TOP2B: variants seen among roughly 807,000 people sequenced by gnomAD.
The protein encoded by TOP2B is DNA topoisomerase II beta.
TOP2B carries 51 observed loss-of-function variants against 193.5 expected under a neutral mutation model. That is an observed-to-expected ratio of 0.26 (90% CI 0.21 to 0.33). TOP2B has a LOEUF of 0.33. Ranked by LOEUF, TOP2B falls within the 10% of genes least tolerant of loss-of-function variation. The pLI is 1.00. For synonymous variants in TOP2B, 634 were observed against 635.7 expected (o/e 1.00, Z 0.04); for missense variants, 1,378 against 1,909.3 (o/e 0.72, Z 5.19).
At position 25,664,579 on chromosome 3, in the gene TOP2B, CGGCGGCGTTGCCTTCTCGCCCGCCCGCG is replaced by C. The variant is rs929148486; in HGVS notation, c.-310_-283del. ...CAGGGAGCGACCGGCGGCGGCCGAG[CGGCGGCGTTGCCTTCTCGCCCGCCCGCG>C]GGCGCCGCTGCAGGCCGGGCTGAAG... On this transcript the variant is annotated 5_prime_UTR_variant, in exon 1 of 36. Coordinates refer to ENST00000264331, the MANE Select transcript of TOP2B (RefSeq NM_001330700.2). The C allele has an allele frequency of 2.9e-6, 3 of 1,040,464 alleles. No homozygotes were observed. Among genetic ancestry groups the C allele is most frequent in the African/African-American group, 3.4e-5 (2 of 58,588 alleles). The allele number at this position is 1,040,464 out of a possible 1,614,324, so 64.5% of individuals were successfully genotyped here.
Position 25,637,279 on chromosome 3 carries a change from T to C in TOP2B, c.575A>G (p.Asn192Ser), listed in dbSNP as rs780785206. The change falls in exon 6 of 36, where the codon AAT becomes AGT. Residue 192 changes from asparagine (N) to serine (S), a missense_variant. Physicochemically the swap from Asn to Ser is conservative, Grantham distance 46. Around this residue, in one of 9 missense-constraint regions of TOP2B, gnomAD observed 222 missense variants for 306.6 expected, o/e 0.72. Coordinates refer to ENST00000264331, the MANE Select transcript of TOP2B (RefSeq NM_001330700.2). The stretch of plus-strand genomic sequence containing the variant: ...TACTGTAAACTTTGTACTGAAAATA[T>C]TACAAAGTTTTGCACCATAACCATT... ...GRNGYGAKLC[N>S]IFSTKFTVET... 1.9e-6 allele frequency: 3 copies of C among 1,559,624 alleles called. No individual in the cohort carries two copies. Among genetic ancestry groups the C allele is most frequent in the Non-Finnish European group, 1.7e-6 (2 of 1,150,250 alleles).
intron 28 of TOP2B, among the ~76,000 whole-genome samples, chr3:25,611,732 G>C (rs1002262379): frequency 6.6e-6 from 1 of 151,828 alleles, no homozygotes; most frequent in African/African-American, 2.4e-5. Context: ...AATGACACAG[G>C]ATGTGCTTGG....
chr3:25,660,404 C>T (rs1000465565), intron 1 of TOP2B, among the ~76,000 whole-genome samples: 1 of 152,228 alleles, frequency 6.6e-6, no homozygotes, highest in East Asian at 1.9e-4. Flanking sequence ...AAAATAAAGA[C>T]TTCTGTTTTA....
intron 28 of TOP2B, among the ~76,000 whole-genome samples, chr3:25,611,629 T>C (rs1229227768): frequency 6.6e-6 from 1 of 152,182 alleles, no homozygotes; most frequent in African/African-American, 2.4e-5. Context: ...TTTTTTCTGA[T>C]GTTTCCTTCT....
At chr3:25,614,774 A>T (rs1424506634) in intron 27 of TOP2B, among the ~76,000 whole-genome samples, 1 of 151,912 alleles carries the variant, frequency 6.6e-6, no homozygotes, top group Non-Finnish European at 1.5e-5. Context: ...TTTATTTTTT[A>T]AATTAGAATT....
intron 1 of TOP2B, among the ~76,000 whole-genome samples, chr3:25,655,256 G>C (rs1703710120): frequency 6.6e-6 from 1 of 152,092 alleles, no homozygotes; most frequent in African/African-American, 2.4e-5. Context: ...CTCCAAATAA[G>C]ATATGCAAAT....
intron 31 of TOP2B, among the ~76,000 whole-genome samples, chr3:25,606,614 C>T (rs1194651188): frequency 5.3e-5 from 8 of 151,986 alleles, no homozygotes; most frequent in Admixed American, 5.3e-4. Flanking sequence ...CTGGTGAAGG[C>T]CAATTGTAAT....
chr3:25,603,309 G>A (rs972086656), intron 33 of TOP2B, among the ~76,000 whole-genome samples: 2 of 152,150 alleles, frequency 1.3e-5, no homozygotes, highest in African/African-American at 4.8e-5. Context: ...TGCCATCTCA[G>A]CTCACTGCAA....
chr3:25,604,123 G>GT (rs1702176812), intron 33 of TOP2B, among the ~76,000 whole-genome samples: 1 of 152,106 alleles, frequency 6.6e-6, no homozygotes, highest in African/African-American at 2.4e-5. Context: ...GTTGTCTGTT[G>GT]TGAATTTTTA....
intron 27 of TOP2B, 22 bp downstream of exon 27, chr3:25,615,182 AT>A: frequency 6.3e-7 from 1 of 1,584,840 alleles, no homozygotes; most frequent in Non-Finnish European, 8.6e-7. Context: ...TTCCAAATAA[AT>A]TTTAATAGAG....
chr3:25,661,126 G>A lies in TOP2B; in HGVS notation c.69+3103C>T, dbSNP rs575188832. ...AGCGATTCTCCTGCCTCAGCCTCCC[G>A]AGTAGCTGGGATTACAAGCATGCGC... On this transcript the variant is annotated intron_variant, in intron 1 of 35. Coordinates refer to ENST00000264331, the MANE Select transcript of TOP2B (RefSeq NM_001330700.2). Among the ~76,000 whole-genome samples, 6 of 151,484 alleles carry A rather than the reference G, an allele frequency of 4.0e-5. No homozygotes were observed. The South Asian group carries it at 6.3e-4, about 16-fold the overall frequency.
intron 33 of TOP2B, among the ~76,000 whole-genome samples, chr3:25,602,616 C>T (rs1195372507): frequency 6.6e-6 from 1 of 152,032 alleles, no homozygotes; most frequent in Non-Finnish European, 1.5e-5. Flanking sequence ...GAAAGTGGCA[C>T]CCAGATTGTG....
rs187233991 is a variant in TOP2B, at chr3:25,633,756, G to A, written c.1026+85C>T. 10 of 1,221,764 alleles carry A rather than the reference G, an allele frequency of 8.2e-6. No homozygotes were observed. The Admixed American group carries it at 2.2e-4, about 27-fold the overall frequency. 75.7% of individuals were successfully genotyped at this position (1,221,764 alleles called of 1,614,324 possible). A position where few individuals can be genotyped will look rare whatever the true frequency, so the allele number is the denominator to read the frequency against. ...AAAAACAGATTTGGGTTTTTTGGGG[G>A]TTGTGGATATTGTTATTTGTTTTGT... On this transcript the variant is annotated intron_variant, in intron 8 of 35. Coordinates refer to ENST00000264331, the MANE Select transcript of TOP2B (RefSeq NM_001330700.2).
chr3:25,660,098 A>G (rs1455656366), intron 1 of TOP2B, among the ~76,000 whole-genome samples: 1 of 152,226 alleles, frequency 6.6e-6, no homozygotes, highest in African/African-American at 2.4e-5. Flanking sequence ...TTACAGGTGA[A>G]CATACTTCGA....
At chr3:25,644,102 T>C (rs1008634343) in intron 2 of TOP2B, among the ~76,000 whole-genome samples, 1 of 124,292 alleles carries the variant, frequency 8.0e-6, no homozygotes, top group African/African-American at 3.6e-5. Context: ...AAATTAATGC[T>C]TTTTTTTTTT....
At position 25,643,871 on chromosome 3, in the gene TOP2B, C is replaced by T. The variant is rs533311647; in HGVS notation, c.241-87G>A. The T allele has an allele frequency of 3.7e-4, 338 of 916,226 alleles. 1 individual carries two copies. In the African/African-American group the frequency reaches 4.8e-3, roughly 13 times the overall value. 56.8% of individuals were successfully genotyped at this position (916,226 alleles called of 1,614,324 possible). On this transcript the variant is annotated intron_variant, in intron 2 of 35. Coordinates refer to ENST00000264331, the MANE Select transcript of TOP2B (RefSeq NM_001330700.2). ...TATAATCCACATCCTGTCATTTACA[C>T]TATATGAATACTTAGATCTGCAAAG...
intron 1 of TOP2B, among the ~76,000 whole-genome samples, chr3:25,653,068 A>C (rs533894982): frequency 4.6e-5 from 7 of 152,338 alleles, no homozygotes; most frequent in African/African-American, 1.7e-4. Context: ...CCAAACATAT[A>C]ATCTACCAAG....
Position 25,664,600 on chromosome 3 carries a change from C to T in TOP2B, c.-303G>A, listed in dbSNP as rs1481401780. 2 of 1,002,374 alleles carry T rather than the reference C, an allele frequency of 2.0e-6. No homozygotes were observed. Among genetic ancestry groups the T allele is most frequent in the Non-Finnish European group, 1.2e-6 (1 of 841,848 alleles). 62.1% of individuals were successfully genotyped at this position (1,002,374 alleles called of 1,614,324 possible). On this transcript the variant is annotated 5_prime_UTR_variant, in exon 1 of 36. Transcript: ENST00000264331. ...CGAGCGGCGGCGTTGCCTTCTCGCC[C>T]GCCCGCGGGCGCCGCTGCAGGCCGG... is the stretch of plus-strand genomic sequence containing the variant.
Position 25,629,024 on chromosome 3 carries a change from G to A in TOP2B, c.1800+11C>T. 6.3e-7 allele frequency: 1 copy of A among 1,578,272 alleles called. No individual in the cohort carries two copies. Among genetic ancestry groups the A allele is most frequent in the South Asian group, 1.2e-5 (1 of 84,818 alleles). ...GACAACAATATAAAAATATATTAATGCAAAGAGTACCTTTACAATAGGAGT... is the reference window on the plus strand; with the variant it reads ...GACAACAATATAAAAATATATTAATACAAAGAGTACCTTTACAATAGGAGT... On this transcript the variant is annotated intron_variant, in intron 14 of 35. Coordinates refer to ENST00000264331, the MANE Select transcript of TOP2B (RefSeq NM_001330700.2).
Sources: gnomAD v4.1 joint callset for allele counts (sites outside exome capture counted in the v4.1 genomes callset) on GRCh38, gnomAD v4.1.1 for gene constraint, gnomAD v4.1.1 regional missense constraint, MANE v1.5 for transcripts, NCBI Gene and HGNC (gene_info 2026-07-23, HGNC 2026-07-21) for gene names.